Variants in COPS2 observed in about 807,000 individuals in gnomAD.
COPS2 encodes COP9 signalosome subunit 2, also known as COP9 signalosome complex subunit 2.
In COPS2, 10 loss-of-function variants were observed where a neutral mutation model predicts 66.1. The observed-to-expected ratio is 0.15, with a 90% CI of 0.09 to 0.26. COPS2 has a LOEUF of 0.26. COPS2 is among the 10% of genes least tolerant of loss of function. The probability of loss-of-function intolerance (pLI) is 1.00; values close to 1 mark genes in which losing one functional copy is unlikely to be tolerated. For missense variants in COPS2, 215 were observed against 513.3 expected (o/e 0.42, Z 5.62); for synonymous variants, 179 against 171.3 (o/e 1.04, Z -0.35).
In COPS2 at chr15:49,125,809, T is replaced by C. The variant is rs968487807; in HGVS notation, c.*2141A>G. Reference sequence around the variant, plus strand: ...GTATAACTTTGGATACTGTTATATATTTAGCCCAGTTTTCCAAATAACAAG... The same window carrying C: ...GTATAACTTTGGATACTGTTATATACTTAGCCCAGTTTTCCAAATAACAAG... On this transcript the variant is annotated 3_prime_UTR_variant, in exon 13 of 13. Coordinates refer to ENST00000388901, the MANE Select transcript of COPS2 (RefSeq NM_004236.4). 6.6e-6 allele frequency: 1 copy of C among 152,228 alleles called. No individual in the cohort carries two copies. Among genetic ancestry groups the C allele is most frequent in the East Asian group, 1.9e-4 (1 of 5,182 alleles). 9.4% of individuals were successfully genotyped at this position (152,228 alleles called of 1,614,324 possible).
chr15:49,128,585 A>C (rs1016500512), intron 12 of COPS2, 117 bp downstream of exon 12: 1 of 665,166 alleles, frequency 1.5e-6, no homozygotes, highest in African/African-American at 1.8e-5. Flanking sequence ...TCTAATAGAA[A>C]ACCATACCCA....
intron 1 of COPS2, among the ~76,000 whole-genome samples, chr15:49,150,397 C>G (rs1453685074): frequency 6.6e-6 from 1 of 151,896 alleles, no homozygotes; most frequent in African/African-American, 2.4e-5. Flanking sequence ...TTGAACTTAA[C>G]ATTTATATTG....
At chr15:49,151,541 G>T (rs2084361647) in intron 1 of COPS2, among the ~76,000 whole-genome samples, 1 of 152,026 alleles carries the variant, frequency 6.6e-6, no homozygotes, top group African/African-American at 2.4e-5. Flanking sequence ...TAGAACGATT[G>T]GACTGCGGAA....
At chr15:49,133,624 A>G (rs1375539583) in intron 9 of COPS2, 135 bp downstream of exon 9, 1 of 604,792 alleles carries the variant, frequency 1.7e-6, no homozygotes. Flanking sequence ...CAGAAGATAA[A>G]AATTCTACAA....
rs2084274764 is a variant in COPS2 at position 49,139,313 on chromosome 15, A to G, written c.372+215T>C. ...TTTACAGATTTTAGCATCTGAAGGCATTATTTAAAGAGATCAAGCTGGAGT... is the reference window on the plus strand; with the variant it reads ...TTTACAGATTTTAGCATCTGAAGGCGTTATTTAAAGAGATCAAGCTGGAGT... On this transcript the variant is annotated intron_variant, in intron 4 of 12. Coordinates refer to ENST00000388901, the MANE Select transcript of COPS2 (RefSeq NM_004236.4). 1.2e-5 allele frequency: 5 copies of G among 419,344 alleles called. 1 individual carries two copies. Among genetic ancestry groups the G allele is most frequent in the African/African-American group, 8.3e-5 (4 of 48,212 alleles). The allele number at this position is 419,344 out of a possible 1,614,324, so 26.0% of individuals were successfully genotyped here.
intron 1 of COPS2, among the ~76,000 whole-genome samples, chr15:49,153,199 G>A (rs1010887913): frequency 6.6e-6 from 1 of 152,184 alleles, no homozygotes; most frequent in Non-Finnish European, 1.5e-5. Context: ...GCTGAGGCGG[G>A]ATGATTGGTT....
rs902146314 is a variant in COPS2 at position 49,123,493 on chromosome 15, T to C, written c.*4457A>G. The C allele has an allele frequency of 6.6e-6, 1 of 152,104 alleles. No homozygotes were observed. The highest frequency in any genetic ancestry group is 2.4e-5 in the African/African-American group (1 of 41,418). The allele number at this position is 152,104 out of a possible 1,614,324, so 9.4% of individuals were successfully genotyped here. A position where few individuals can be genotyped will look rare whatever the true frequency, so the allele number is the denominator to read the frequency against. ...TTAAGTAAAATAGAAAACTGGAAAATTACTGTGATAAACTGGTGATGAATT... is the reference window on the plus strand; with the variant it reads ...TTAAGTAAAATAGAAAACTGGAAAACTACTGTGATAAACTGGTGATGAATT... On this transcript the variant is annotated 3_prime_UTR_variant, in exon 13 of 13. Transcript: ENST00000388901.
chr15:49,151,589 A>G (rs2084362066), intron 1 of COPS2, among the ~76,000 whole-genome samples: 1 of 152,078 alleles, frequency 6.6e-6, no homozygotes, highest in Non-Finnish European at 1.5e-5. Context: ...TACCAACTTA[A>G]TGAATGGCAC....
intron 6 of COPS2, among the ~76,000 whole-genome samples, chr15:49,135,214 G>A (rs975754221): frequency 6.6e-6 from 1 of 152,156 alleles, no homozygotes; most frequent in Non-Finnish European, 1.5e-5. Flanking sequence ...TGTGGATAAG[G>A]GTTGGGAGGA....
intron 12 of COPS2, among the ~76,000 whole-genome samples, chr15:49,128,339 AG>A (rs1595818692): frequency 1.3e-5 from 2 of 152,366 alleles, no homozygotes; most frequent in East Asian, 3.9e-4. Context: ...GATTAATCAA[AG>A]GCAAGTATCA....
intron 3 of COPS2, among the ~76,000 whole-genome samples, chr15:49,141,153 G>A (rs192592428): frequency 3.3e-5 from 5 of 152,252 alleles, no homozygotes; most frequent in Admixed American, 1.3e-4. Context: ...AGAGAAATAC[G>A]ACTATCCTAA....
At chr15:49,140,808 A>G (rs1353233135) in intron 3 of COPS2, among the ~76,000 whole-genome samples, 4 of 151,944 alleles carry the variant, frequency 2.6e-5, no homozygotes, top group Non-Finnish European at 4.4e-5. Context: ...TCTTTCCTTG[A>G]CTAACTGAAC....
At chr15:49,137,568 G>T in intron 4 of COPS2, 131 bp from the exon 5 acceptor site, 2 of 623,130 alleles carry the variant, frequency 3.2e-6, no homozygotes, top group Non-Finnish European at 5.5e-6. Flanking sequence ...GTATCTTACT[G>T]TCTTCTACAG....
chr15:49,139,334 G>T, intron 4 of COPS2, 194 bp downstream of exon 4: 1 of 478,784 alleles, frequency 2.1e-6, no homozygotes, highest in Non-Finnish European at 3.6e-6. Context: ...AGATCAAGCT[G>T]GAGTTATTAC....
intron 9 of COPS2, among the ~76,000 whole-genome samples, chr15:49,133,006 T>TG (rs397970812): frequency 6.6e-6 from 1 of 151,152 alleles, no homozygotes; most frequent in African/African-American, 2.4e-5. Context: ...TTTTTTTTTT[T>TG]GAGACGGAGT....
chr15:49,143,260 G>C (rs2084300553), intron 3 of COPS2, among the ~76,000 whole-genome samples: 1 of 152,200 alleles, frequency 6.6e-6, no homozygotes, highest in Admixed American at 6.5e-5. Flanking sequence ...CTTACATAGG[G>C]ATCTGTAGGT....
intron 3 of COPS2, among the ~76,000 whole-genome samples, chr15:49,140,050 G>A (rs536232369): frequency 6.3e-4 from 96 of 152,024 alleles, no homozygotes; most frequent in African/African-American, 2.2e-3. Flanking sequence ...TGCATGGCGC[G>A]ATCTTGACTC....
chr15:49,135,622 A>G (rs949306293), intron 6 of COPS2, among the ~76,000 whole-genome samples: 6 of 152,222 alleles, frequency 3.9e-5, no homozygotes, highest in African/African-American at 1.4e-4. Flanking sequence ...AATGTGGGCC[A>G]TGAAAAATAG....
At chr15:49,133,196 G>A (rs1438525964) in intron 9 of COPS2, among the ~76,000 whole-genome samples, 1 of 151,974 alleles carries the variant, frequency 6.6e-6, no homozygotes, top group South Asian at 2.1e-4. Context: ...CACCGTGTTA[G>A]CCAGGATGGT....
Sources: gnomAD v4.1 joint callset for allele counts (sites outside exome capture counted in the v4.1 genomes callset) on GRCh38, gnomAD v4.1.1 for gene constraint, MANE v1.5 for transcripts, NCBI Gene and HGNC (gene_info 2026-07-23, HGNC 2026-07-21) for gene names.